Variants in OPCML observed in about 807,000 individuals in gnomAD.
OPCML encodes the protein opioid-binding protein/cell adhesion molecule.
In OPCML, 13 loss-of-function variants were observed where a neutral mutation model predicts 37.8. That is an observed-to-expected ratio of 0.34 (90% confidence interval 0.22 to 0.55). The LOEUF (loss-of-function observed/expected upper bound fraction) is 0.55. Ranked by LOEUF, OPCML falls within the 20% of genes least tolerant of loss-of-function variation. The pLI, the probability that OPCML is intolerant of heterozygous loss-of-function variation, is 0.91. For missense variants in OPCML, 341 were observed against 435.6 expected, an observed-to-expected ratio of 0.78 and a Z score of 1.93; for synonymous variants, 176 against 168.8, an observed-to-expected ratio of 1.04 and a Z score of -0.33.
chr11:133,011,219 T>C (rs1231493358), intron 1 of OPCML, among the ~76,000 whole-genome samples: 3 of 152,208 alleles, frequency 2.0e-5, no homozygotes, highest in Non-Finnish European at 4.4e-5. Flanking sequence ...TCAGGCCCTT[T>C]CTATGGAGTC....
At chr11:132,743,059 A>T (rs1398684273) in intron 2 of OPCML, among the ~76,000 whole-genome samples, 1 of 152,072 alleles carries the variant, frequency 6.6e-6, no homozygotes, top group African/African-American at 2.4e-5. Context: ...GGAGTCATCT[A>T]TGTGACTGAT....
intron 1 of OPCML, among the ~76,000 whole-genome samples, chr11:133,454,784 T>G (rs1946644009): frequency 6.6e-6 from 1 of 152,208 alleles, no homozygotes; most frequent in Non-Finnish European, 1.5e-5. Flanking sequence ...CATTCATTTA[T>G]CTTTACTGGG....
intron 2 of OPCML, among the ~76,000 whole-genome samples, chr11:132,724,158 G>A (rs184115850): frequency 8.2e-4 from 125 of 152,204 alleles, no homozygotes; most frequent in African/African-American, 2.8e-3. Context: ...CCAGGAATGG[G>A]ACAGAACCCA....
rs1280885121 is a variant in OPCML at position 133,211,689 on chromosome 11, T to A, written c.62-268679A>T. On this transcript the variant is annotated intron_variant, in intron 1 of 7. Coordinates refer to ENST00000524381, the MANE Select transcript of OPCML (RefSeq NM_001012393.5). The surrounding 1 kb of genome is among the most constrained non-coding windows in gnomAD (Gnocchi z 4.1). ...AGGCATCTGGGGCCAGGGAGTCATCTGGCTTTGTGGCAACACAGACTGTGT... is the reference window on the plus strand; with the variant it reads ...AGGCATCTGGGGCCAGGGAGTCATCAGGCTTTGTGGCAACACAGACTGTGT... Among the ~76,000 whole-genome samples the A allele has an allele frequency of 1.3e-5, 2 of 152,234 alleles. No homozygotes were observed. The highest frequency in any genetic ancestry group is 2.9e-5 in the Non-Finnish European group (2 of 68,048).
At chr11:133,141,233 T>A (rs1174529651) in intron 1 of OPCML, among the ~76,000 whole-genome samples, 2 of 151,862 alleles carry the variant, frequency 1.3e-5, no homozygotes, top group African/African-American at 2.4e-5. Flanking sequence ...CAAGCCGGGC[T>A]CTCGCATGAG....
intron 4 of OPCML, among the ~76,000 whole-genome samples, chr11:132,498,107 T>A (rs1315054198): frequency 2.0e-5 from 3 of 152,182 alleles, no homozygotes. Flanking sequence ...AACTCTTGAC[T>A]GCAAAATAAA....
chr11:133,024,514 C>T (rs1244761378), intron 1 of OPCML: 2 of 985,332 alleles, frequency 2.0e-6, no homozygotes, highest in Non-Finnish European at 2.4e-6. Flanking sequence ...GTTTAAGAAA[C>T]GCTTATTGCC....
intron 1 of OPCML, among the ~76,000 whole-genome samples, chr11:133,143,879 T>C (rs1305266317): frequency 2.0e-5 from 3 of 152,208 alleles, no homozygotes; most frequent in African/African-American, 7.2e-5. Flanking sequence ...ATAAACCACA[T>C]TGCTCTTTCT....
intron 1 of OPCML, among the ~76,000 whole-genome samples, chr11:133,465,159 C>A (rs1282287283): frequency 6.6e-6 from 1 of 152,180 alleles, no homozygotes; most frequent in Non-Finnish European, 1.5e-5. Flanking sequence ...AAGAGAGAAT[C>A]TGTTTTCTTG....
chr11:132,845,028 CAT>C (rs780184605), intron 2 of OPCML, among the ~76,000 whole-genome samples: 33 of 149,822 alleles, frequency 2.2e-4, no homozygotes, highest in African/African-American at 5.9e-4. Context: ...GGATAGCAAA[CAT>C]GTGTTCACAG....
intron 1 of OPCML, among the ~76,000 whole-genome samples, chr11:133,350,084 G>A (rs868685302): frequency 6.6e-6 from 1 of 152,192 alleles, no homozygotes; most frequent in African/African-American, 2.4e-5. Context: ...AAGCCAACCT[G>A]CTGTTTTGAT....
intron 1 of OPCML, among the ~76,000 whole-genome samples, chr11:133,187,758 G>A (rs889363095): frequency 6.6e-6 from 1 of 152,148 alleles, no homozygotes; most frequent in African/African-American, 2.4e-5. Flanking sequence ...CATATATTGT[G>A]TACAACTTCT....
At chr11:133,449,951 CCAGTGAGGCTAT>C (rs1207065010) in intron 1 of OPCML, among the ~76,000 whole-genome samples, 1 of 151,656 alleles carries the variant, frequency 6.6e-6, no homozygotes. Context: ...CCACTTCTAG[CCAGTGAGGCTAT>C]AAAGGCTGTT....
intron 2 of OPCML, among the ~76,000 whole-genome samples, chr11:132,712,877 A>G (rs1424703951): frequency 6.6e-6 from 1 of 152,260 alleles, no homozygotes; most frequent in Non-Finnish European, 1.5e-5. Flanking sequence ...AAGTACATTT[A>G]AAACTTTTGC....
intron 2 of OPCML, among the ~76,000 whole-genome samples, chr11:132,769,865 G>C (rs2136119971): frequency 6.6e-6 from 1 of 152,278 alleles, no homozygotes; most frequent in East Asian, 1.9e-4. Context: ...GCATTTACAA[G>C]ATTCCAGTCC....
At chr11:132,631,375 A>ATATC (rs1491278364) in intron 3 of OPCML, among the ~76,000 whole-genome samples, 4 of 139,592 alleles carry the variant, frequency 2.9e-5, no homozygotes, top group African/African-American at 1.0e-4. Flanking sequence ...ATATATATAT[A>ATATC]TCTCCTAGGT....
At chr11:133,481,242 A>G (rs1175593475) in intron 1 of OPCML, among the ~76,000 whole-genome samples, 1 of 152,174 alleles carries the variant, frequency 6.6e-6, no homozygotes, top group African/African-American at 2.4e-5. Context: ...CTCTGTCCCA[A>G]AAGAGTTTAC....
At chr11:133,184,477 GGGGAGGGA>G (rs1441182829) in intron 1 of OPCML, among the ~76,000 whole-genome samples, 3 of 152,118 alleles carry the variant, frequency 2.0e-5, no homozygotes, top group Non-Finnish European at 4.4e-5. Context: ...GACCTTCCGT[GGGGAGGGA>G]AGAAGGCGAG....
At chr11:132,694,121 T>C (rs1261886874) in intron 2 of OPCML, among the ~76,000 whole-genome samples, 1 of 150,876 alleles carries the variant, frequency 6.6e-6, no homozygotes, top group Non-Finnish European at 1.5e-5. Context: ...TGAAATCATT[T>C]AAACTCTTCA....
Sources: gnomAD v4.1 joint callset for allele counts (sites outside exome capture counted in the v4.1 genomes callset) on GRCh38, gnomAD v4.1.1 for gene constraint, Gnocchi (gnomAD v3.1) non-coding constraint, MANE v1.5 for transcripts, NCBI Gene and HGNC (gene_info 2026-07-23, HGNC 2026-07-21) for gene names.